The following AGO3 variants were observed in gnomAD, a reference collection of about 807,000 sequenced individuals.
The protein encoded by AGO3 is argonaute RISC catalytic component 3.
Under a neutral mutation model 105.5 loss-of-function variants are expected in AGO3, and 16 were observed. That is an observed-to-expected ratio of 0.15 (90% confidence interval 0.10 to 0.23). AGO3 has a LOEUF of 0.23. Ranked by LOEUF, AGO3 falls within the 10% of genes least tolerant of loss-of-function variation. The pLI, the probability that AGO3 is intolerant of heterozygous loss-of-function variation, is 1.00. For missense variants in AGO3, 534 were observed against 1,088.0 expected, an observed-to-expected ratio of 0.49 and a Z score of 7.16; for synonymous variants, 340 against 367.3, an observed-to-expected ratio of 0.93 and a Z score of 0.85.
intron 5 of AGO3, chr1:35,984,411 A>T (rs1647123101): frequency 6.6e-6 from 1 of 152,200 alleles, no homozygotes; most frequent in Non-Finnish European, 1.5e-5. Context: ...AGAGACAAGG[A>T]TATCAGTGCT....
rs138046082 is a variant in AGO3 at position 35,954,533 on chromosome 1, CAT to C, written c.191+8671_191+8672del. ...TTAAACCATTTATCTGAACTTACCA[CAT>C]GTTTATACCAAAGTACTATGCTATT... is the stretch of plus-strand genomic sequence containing the variant. On this transcript the variant is annotated intron_variant, in intron 2 of 18. Coordinates refer to ENST00000373191, the MANE Select transcript of AGO3 (RefSeq NM_024852.4). 9.8e-5 allele frequency among the ~76,000 whole-genome samples: 15 copies of C among 152,294 alleles called. No individual in the cohort carries two copies. In the East Asian group the frequency reaches 1.4e-3, roughly 14 times the overall value.
Position 35,943,619 on chromosome 1 carries a change from T to A in AGO3, c.20-2073T>A, listed in dbSNP as rs1370263478. Among the ~76,000 whole-genome samples, 6 of 121,040 alleles carry A rather than the reference T, an allele frequency of 5.0e-5. No individual in the cohort carries two copies. The Admixed American group carries it at 6.1e-4, about 12-fold the overall frequency. 79.4% of individuals were successfully genotyped at this position (121,040 alleles called of 152,430 possible). A position where few individuals can be genotyped will look rare whatever the true frequency, so the allele number is the denominator to read the frequency against. On this transcript the variant is annotated intron_variant, in intron 1 of 18. Transcript: ENST00000373191. ...CCCAGCCCTTTTTTTTTTTTTTTTT[T>A]AAGTAAAAGGGTCTCGCGCTATCAC...
chr1:35,944,544 C>CTTTTT (rs761797350), intron 1 of AGO3, among the ~76,000 whole-genome samples: 25 of 105,466 alleles, frequency 2.4e-4, no homozygotes, highest in South Asian at 2.9e-4. Context: ...ATTTTATTTA[C>CTTTTT]TTTTTTTTTT....
chr1:35,938,188 T>C (rs1646187321), intron 1 of AGO3, among the ~76,000 whole-genome samples: 1 of 151,990 alleles, frequency 6.6e-6, no homozygotes, highest in Non-Finnish European at 1.5e-5. Context: ...ACCATGTTAG[T>C]CAGGCTGGTC....
chr1:35,957,395 C>T (rs1372518274), intron 2 of AGO3, among the ~76,000 whole-genome samples: 2 of 151,142 alleles, frequency 1.3e-5, no homozygotes, highest in Admixed American at 1.3e-4. Flanking sequence ...AAAAATAATT[C>T]ACATATGAAA....
chr1:36,029,832 A>G (rs1273011094), intron 12 of AGO3, among the ~76,000 whole-genome samples: 1 of 151,640 alleles, frequency 6.6e-6, no homozygotes, highest in African/African-American at 2.4e-5. Context: ...AGCTGGGTCT[A>G]TAGGCGCGTG....
chr1:36,036,101 C>T (rs552174970), intron 13 of AGO3, 76 bp from the exon 14 acceptor site: 80 of 1,354,856 alleles, frequency 5.9e-5, no homozygotes, highest in Non-Finnish European at 5.4e-5. Context: ...CTTGAAGTTA[C>T]GTTGCAATTG....
intron 5 of AGO3, among the ~76,000 whole-genome samples, chr1:35,985,326 T>C (rs1481109820): frequency 6.6e-6 from 1 of 152,164 alleles, no homozygotes; most frequent in Non-Finnish European, 1.5e-5. Context: ...AGTATAACAC[T>C]TGATAAGTCG....
At chr1:36,003,398 A>G (rs1640184591) in intron 5 of AGO3, among the ~76,000 whole-genome samples, 1 of 152,070 alleles carries the variant, frequency 6.6e-6, no homozygotes, top group Non-Finnish European at 1.5e-5. Flanking sequence ...ATAACCCTAA[A>G]TATTACTATC....
chr1:35,975,583 T>C (rs1646942127), intron 5 of AGO3, among the ~76,000 whole-genome samples: 1 of 152,184 alleles, frequency 6.6e-6, no homozygotes, highest in Non-Finnish European at 1.5e-5. Flanking sequence ...GAAGTTTGTT[T>C]GTATGTTGGT....
intron 1 of AGO3, among the ~76,000 whole-genome samples, chr1:35,938,546 A>G (rs1393981903): frequency 1.3e-5 from 2 of 152,152 alleles, no homozygotes; most frequent in African/African-American, 4.8e-5. Flanking sequence ...TTACATCTAT[A>G]TAATAGTATA....
intron 5 of AGO3, among the ~76,000 whole-genome samples, chr1:35,992,513 A>AT (rs763232369): frequency 6.7e-4 from 101 of 151,756 alleles, no homozygotes; most frequent in Admixed American, 1.3e-3. Context: ...TGTACCTTAA[A>AT]TTTTTTTTTA....
At chr1:35,984,132 C>T (rs932733266) in intron 5 of AGO3, among the ~76,000 whole-genome samples, 1 of 152,100 alleles carries the variant, frequency 6.6e-6, no homozygotes, top group African/African-American at 2.4e-5. Context: ...CAATATGAGA[C>T]ACCAAATATG....
chr1:36,019,396 T>C (rs1182716367), intron 11 of AGO3, among the ~76,000 whole-genome samples: 2 of 152,252 alleles, frequency 1.3e-5, no homozygotes, highest in Non-Finnish European at 2.9e-5. Flanking sequence ...ATTCAGTTAG[T>C]TTTGCCTAAT....
chr1:35,953,272 GAAA>G (rs967020958), intron 2 of AGO3, among the ~76,000 whole-genome samples: 1 of 140,018 alleles, frequency 7.1e-6, no homozygotes, highest in Non-Finnish European at 1.6e-5. Flanking sequence ...CTACTAAAAA[GAAA>G]AAAAAAAAGA....
At chr1:35,966,347 T>A (rs1372927647) in intron 2 of AGO3, among the ~76,000 whole-genome samples, 2 of 152,208 alleles carry the variant, frequency 1.3e-5, no homozygotes, top group African/African-American at 4.8e-5. Context: ...GTATTTCCTA[T>A]ATAGTCTGTA....
At chr1:36,018,913 G>A (rs116328702) in intron 11 of AGO3, among the ~76,000 whole-genome samples, 1,757 of 152,018 alleles carry the variant, frequency 0.012, 44 homozygotes, top group African/African-American at 0.038. Flanking sequence ...ACATCTAGGA[G>A]GCCATCTGCT....
At chr1:35,974,496 AAGTT>A (rs1341824885) in intron 5 of AGO3, among the ~76,000 whole-genome samples, 1 of 152,174 alleles carries the variant, frequency 6.6e-6, no homozygotes, top group Admixed American at 6.5e-5. Context: ...CTGAAAATGA[AAGTT>A]AGCTTAGAAG....
chr1:36,034,781 C>T (rs1476643756), intron 13 of AGO3, among the ~76,000 whole-genome samples: 1 of 152,182 alleles, frequency 6.6e-6, no homozygotes, highest in Non-Finnish European at 1.5e-5. Flanking sequence ...AGACTACTCA[C>T]CTACCTGGAA....
Sources: gnomAD v4.1 joint callset for allele counts (sites outside exome capture counted in the v4.1 genomes callset) on GRCh38, gnomAD v4.1.1 for gene constraint, MANE v1.5 for transcripts, NCBI Gene and HGNC (gene_info 2026-07-23, HGNC 2026-07-21) for gene names.